The following SOCS7 variants were observed in gnomAD, a reference collection of about 807,000 sequenced individuals.
The protein encoded by SOCS7 is suppressor of cytokine signaling 7.
Under a neutral mutation model 58.9 loss-of-function variants are expected in SOCS7, and 18 were observed. That is an observed-to-expected ratio of 0.31 (90% CI 0.21 to 0.45). The LOEUF (loss-of-function observed/expected upper bound fraction) is 0.45. Ranked by LOEUF, SOCS7 falls within the 20% of genes least tolerant of loss-of-function variation. The pLI is 1.00. For synonymous variants in SOCS7, 388 were observed against 364.3 expected (o/e 1.06, Z -0.74); for missense variants, 667 against 837.3 (o/e 0.80, Z 2.51).
Position 38,401,138 on chromosome 17 carries a change from C to T in SOCS7, c.*1656C>T, listed in dbSNP as rs952764685. On this transcript the variant is annotated 3_prime_UTR_variant, in exon 10 of 10. Transcript: ENST00000612932. ...GTCCCACGTGGAGTGACCAGTCTTC[C>T]TCCTTGTAGCTGAACAGGGAGGAAA... 6.6e-6 allele frequency: 1 copy of T among 152,166 alleles called. No individual in the cohort carries two copies. The highest frequency in any genetic ancestry group is 2.4e-5 in the African/African-American group (1 of 41,428). 9.4% of individuals were successfully genotyped at this position (152,166 alleles called of 1,614,324 possible). A position where few individuals can be genotyped will look rare whatever the true frequency, so the allele number is the denominator to read the frequency against.
At chr17:38,382,487 TTTTG>T (rs764612866) in intron 7 of SOCS7, among the ~76,000 whole-genome samples, 2 of 151,342 alleles carry the variant, frequency 1.3e-5, no homozygotes, top group African/African-American at 4.9e-5. Context: ...GACAGCTCAT[TTTTG>T]TTTGTTTGTT....
At chr17:38,384,852 A>G (rs1181369275) in intron 7 of SOCS7, among the ~76,000 whole-genome samples, 1 of 150,382 alleles carries the variant, frequency 6.6e-6, no homozygotes, top group Admixed American at 6.6e-5. Context: ...CAGCCTCCCA[A>G]AGTGCTGGGA....
Position 38,403,941 on chromosome 17 carries a change from G to A in SOCS7, c.*4459G>A, listed in dbSNP as rs1471055478. 1.3e-5 allele frequency: 2 copies of A among 151,618 alleles called. No individual in the cohort carries two copies. Among genetic ancestry groups the A allele is most frequent in the Non-Finnish European group, 2.9e-5 (2 of 67,956 alleles). The allele number at this position is 151,618 out of a possible 1,614,324, so 9.4% of individuals were successfully genotyped here. On this transcript the variant is annotated 3_prime_UTR_variant, in exon 10 of 10. Coordinates refer to ENST00000612932, the MANE Select transcript of SOCS7 (RefSeq NM_014598.4). ...ATCAGTAGTTCAAAATGATTTATTT[G>A]CTCCTGGGGAGTAAAACCTTTTTTA...
intron 1 of SOCS7, among the ~76,000 whole-genome samples, chr17:38,354,544 A>G (rs1295027711): frequency 1.3e-5 from 2 of 152,180 alleles, no homozygotes; most frequent in African/African-American, 2.4e-5. Context: ...TAAAGAAATC[A>G]GTGTGTTGTC....
At chr17:38,353,083 C>T (rs982950590) in intron 1 of SOCS7, 51 bp downstream of exon 1, 5 of 1,458,662 alleles carry the variant, frequency 3.4e-6, no homozygotes, top group Non-Finnish European at 4.5e-6. Flanking sequence ...TGTTTGGTTT[C>T]CCTTTTTATC....
At position 38,400,589 on chromosome 17, in the gene SOCS7, A is replaced by G. The variant is rs984405940; in HGVS notation, c.*1107A>G. The G allele has an allele frequency of 2.4e-4, 37 of 152,322 alleles. No individual in the cohort carries two copies. Among genetic ancestry groups the G allele is most frequent in the African/African-American group, 8.9e-4 (37 of 41,586 alleles). 9.4% of individuals were successfully genotyped at this position (152,322 alleles called of 1,614,324 possible). A position where few individuals can be genotyped will look rare whatever the true frequency, so the allele number is the denominator to read the frequency against. ...CCCTCACGGGATTTCCTTAGGTCAG[A>G]GGAGAGCATCGCATCTCACGTTTTT... On this transcript the variant is annotated 3_prime_UTR_variant, in exon 10 of 10. Transcript: ENST00000612932.
At chr17:38,379,185 A>C (rs535065704) in intron 7 of SOCS7, among the ~76,000 whole-genome samples, 88 of 151,508 alleles carry the variant, frequency 5.8e-4, no homozygotes, top group African/African-American at 1.8e-3. Context: ...AAAAACAAAA[A>C]AAAAAAAACA....
At chr17:38,364,068 C>G (rs1319638280) in intron 2 of SOCS7, among the ~76,000 whole-genome samples, 1 of 152,172 alleles carries the variant, frequency 6.6e-6, no homozygotes, top group Non-Finnish European at 1.5e-5. Flanking sequence ...TGTGCCTCCT[C>G]CCACCAAGTT....
chr17:38,352,088 G>T lies in SOCS7; in HGVS notation c.36G>T (p.Ala12=). 1 of 520,652 alleles carries T rather than the reference G, an allele frequency of 1.9e-6. No homozygotes were observed. Among genetic ancestry groups the T allele is most frequent in the South Asian group, 9.5e-5 (1 of 10,574 alleles). 32.3% of individuals were successfully genotyped at this position (520,652 alleles called of 1,614,324 possible). A position where few individuals can be genotyped will look rare whatever the true frequency, so the allele number is the denominator to read the frequency against. The change falls in exon 1 of 10, where the codon GCG becomes GCT. Residue 12 remains alanine, a synonymous_variant. Transcript: ENST00000612932. The surrounding 1 kb of genome is among the most constrained non-coding windows in gnomAD (Gnocchi z 5.5). ...QEAELRDGEA[A]AAAASYRVLS... ...CCGAGCTCCGGGATGGCGAGGCGGC[G>T]GCGGCGGCCGCTTCGTACCGCGTCC...
Position 38,368,006 on chromosome 17 carries a change from G to A in SOCS7, c.1508G>A (p.Arg503Gln), listed in dbSNP as rs2144339582. ...CGTTACATCCTGAGCCTCAGTTTCC[G>A]ATCACAGGGTATCACCCACCACACT... ...DPRYILSLSF[R>Q]SQGITHHTRM... The change falls in exon 6 of 10, where the codon CGA becomes CAA. Residue 503 changes from arginine to glutamine, a missense_variant. Transcript: ENST00000612932. The A allele has an allele frequency of 6.2e-7, 1 of 1,614,082 alleles. No individual in the cohort carries two copies. The highest frequency in any genetic ancestry group is 8.5e-7 in the Non-Finnish European group (1 of 1,180,006).
chr17:38,391,184 A>G (rs2038169210), intron 7 of SOCS7, among the ~76,000 whole-genome samples: 1 of 152,102 alleles, frequency 6.6e-6, no homozygotes, highest in African/African-American at 2.4e-5. Context: ...TAACTCATTT[A>G]TTAGTTCTAT....
At chr17:38,395,268 T>G (rs1362187210) in intron 7 of SOCS7, 41 bp from the exon 8 acceptor site, 3 of 1,606,760 alleles carry the variant, frequency 1.9e-6, no homozygotes, top group Middle Eastern at 1.6e-4. Flanking sequence ...GTTAGCTCCA[T>G]TGTTTCCTCT....
At chr17:38,387,113 A>ATATATATATGTATGTGTG (rs2038081852) in intron 7 of SOCS7, among the ~76,000 whole-genome samples, 1 of 103,494 alleles carries the variant, frequency 9.7e-6, no homozygotes, top group African/African-American at 5.1e-5. Flanking sequence ...ATATATATAT[A>ATATATATATGTATGTGTG]TATATATATA....
intron 7 of SOCS7, among the ~76,000 whole-genome samples, chr17:38,385,832 A>C (rs1438959461): frequency 6.6e-6 from 1 of 152,102 alleles, no homozygotes; most frequent in South Asian, 2.1e-4. Context: ...GGAGTTTAGC[A>C]TGTTGTCCTG....
At chr17:38,382,955 ATTGGAG>A (rs1226220824) in intron 7 of SOCS7, among the ~76,000 whole-genome samples, 1 of 151,906 alleles carries the variant, frequency 6.6e-6, no homozygotes, top group Non-Finnish European at 1.5e-5. Context: ...TGTCCCGTGT[ATTGGAG>A]GAAGCCCTAG....
intron 8 of SOCS7, 39 bp from the exon 9 acceptor site, chr17:38,395,809 A>G (rs1402346023): frequency 1.8e-5 from 29 of 1,598,230 alleles, no homozygotes; most frequent in Non-Finnish European, 2.2e-5. Flanking sequence ...TATTTTGTAT[A>G]AAAACCTTTT....
At chr17:38,395,764 TGAA>T in intron 8 of SOCS7, 81 bp from the exon 9 acceptor site, 1 of 1,369,626 alleles carries the variant, frequency 7.3e-7, no homozygotes, top group Non-Finnish European at 1.0e-6. Context: ...ATGTAGGGAG[TGAA>T]GAAGAGTTGA....
chr17:38,352,972 C>T lies in SOCS7; in HGVS notation c.920C>T (p.Ala307Val), dbSNP rs1252214496. ...TGKRPSGELAASAASLTDMGG... is the reference protein window; with the variant it reads ...TGKRPSGELAVSAASLTDMGG... ...AAGAGGCCTTCTGGAGAGCTGGCTG[C>T]TTCAGCTGCGAGCCTGACAGACATG... Residue 307 changes from alanine to valine, a missense_variant, in exon 1 of 10, where the codon GCT becomes GTT. Physicochemically the swap from Ala to Val is moderately conservative, Grantham distance 64. Coordinates refer to ENST00000612932, the MANE Select transcript of SOCS7 (RefSeq NM_014598.4). This position sits in a 1 kb window ranked among gnomAD's most constrained non-coding sequence, Gnocchi z 5.5. 2.5e-6 allele frequency: 4 copies of T among 1,606,788 alleles called. No homozygotes were observed. The highest frequency in any genetic ancestry group is 1.3e-5 in the African/African-American group (1 of 74,912).
chr17:38,352,492 G>A lies in SOCS7; in HGVS notation c.440G>A (p.Cys147Tyr). The change falls in exon 1 of 10, where the codon TGT becomes TAT. Residue 147 changes from cysteine (C) to tyrosine (Y), a missense_variant. Cys to Tyr is a radical substitution (Grantham distance 194). This residue lies in a region of SOCS7 where 154 missense variants were observed against 156.3 expected (regional missense o/e 0.98). Transcript: ENST00000612932. This position sits in a 1 kb window ranked among gnomAD's most constrained non-coding sequence, Gnocchi z 5.5. The stretch of plus-strand genomic sequence containing the variant: ...ACAGTCGGTGGGGGTTGCTGCCCGT[G>A]TCCGTGTCCTCCTCAGCCGCCCCCT... ...VKTVGGGCCP[C>Y]PCPPQPPPPQ... The A allele has an allele frequency of 6.5e-7, 1 of 1,534,596 alleles. No individual in the cohort carries two copies. Among genetic ancestry groups the A allele is most frequent in the East Asian group, 2.5e-5 (1 of 40,712 alleles).
Sources: allele counts gnomAD v4.1 joint callset (sites outside exome capture counted in the v4.1 genomes callset), GRCh38; gene constraint gnomAD v4.1.1; regional missense constraint gnomAD v4.1.1; non-coding constraint Gnocchi (gnomAD v3.1); transcripts MANE v1.5; gene names NCBI Gene and HGNC (gene_info 2026-07-23, HGNC 2026-07-21).